Variants in NCAM1 observed in about 807,000 individuals in gnomAD.
The protein encoded by NCAM1 is antigen recognized by monoclonal antibody 5.1H11.
In NCAM1, 14 loss-of-function variants were observed where a neutral mutation model predicts 109.8. The ratio of observed to expected loss-of-function variants is 0.13; its 90% confidence interval spans 0.08 to 0.20. The LOEUF (loss-of-function observed/expected upper bound fraction) is 0.20, where lower values mean the gene tolerates loss of function less well. Ranked by LOEUF, NCAM1 falls within the 10% of genes least tolerant of loss-of-function variation. NCAM1 has a pLI of 1.00. For synonymous variants in NCAM1, 418 were observed against 442.9 expected, an observed-to-expected ratio of 0.94 and a Z score of 0.70; for missense variants, 774 against 1,109.9, an observed-to-expected ratio of 0.70 and a Z score of 4.30.
chr11:113,235,243 A>G (rs1945130661), intron 14 of NCAM1, 79 bp downstream of exon 14: 1 of 1,610,578 alleles, frequency 6.2e-7, no homozygotes, highest in Non-Finnish European at 8.5e-7. Context: ...GAGCTGGCCC[A>G]TGTCATTGTT....
rs147393547 is a variant in NCAM1 at position 113,179,024 on chromosome 11, G to C, written c.53-23355G>C. Among the ~76,000 whole-genome samples, 1,485 of 152,234 alleles carry C rather than the reference G, an allele frequency of 9.8e-3. 83 individuals are homozygous for C. Among genetic ancestry groups the C allele is most frequent in the Admixed American group, 0.092 (1,407 of 15,292 alleles). ...ACTGGTTTGTGAGAATCAACCATAC[G>C]CATCTCTTCCCAGCTCTGCATTTGG... On this transcript the variant is annotated intron_variant, in intron 1 of 19. Transcript: ENST00000316851.
chr11:113,219,452 G>A (rs1321044862), intron 8 of NCAM1, among the ~76,000 whole-genome samples: 3 of 152,218 alleles, frequency 2.0e-5, no homozygotes, highest in African/African-American at 7.2e-5. Context: ...GCAGACTTGT[G>A]TGTAAGACAA....
chr11:113,020,971 G>T (rs1321864077), intron 1 of NCAM1, among the ~76,000 whole-genome samples: 1 of 152,208 alleles, frequency 6.6e-6, no homozygotes, highest in East Asian at 1.9e-4. Flanking sequence ...TGGCCAGGCT[G>T]GTCTCCAACT....
chr11:113,187,367 T>C (rs553469807), intron 1 of NCAM1, among the ~76,000 whole-genome samples: 50 of 152,274 alleles, frequency 3.3e-4, no homozygotes, highest in Middle Eastern at 6.8e-3. Flanking sequence ...ACACAGAGGG[T>C]AAGCAGTCTT....
chr11:112,969,338 G>A (rs1386598317), intron 1 of NCAM1, among the ~76,000 whole-genome samples: 1 of 152,164 alleles, frequency 6.6e-6, no homozygotes, highest in African/African-American at 2.4e-5. Flanking sequence ...TAGGCAGGTG[G>A]AGCTGGGACT....
At chr11:113,022,628 A>G (rs1399851866) in intron 1 of NCAM1, among the ~76,000 whole-genome samples, 3 of 152,224 alleles carry the variant, frequency 2.0e-5, no homozygotes, top group Non-Finnish European at 4.4e-5. Context: ...GTTTGGCCAC[A>G]TGTAAGCAAA....
intron 1 of NCAM1, among the ~76,000 whole-genome samples, chr11:112,999,278 AC>A (rs1275638584): frequency 6.6e-6 from 1 of 152,154 alleles, no homozygotes; most frequent in Non-Finnish European, 1.5e-5. Flanking sequence ...TAAAAATAAA[AC>A]TTAAGGTCTC....
chr11:112,996,850 T>A (rs1951609488), intron 1 of NCAM1, among the ~76,000 whole-genome samples: 1 of 152,248 alleles, frequency 6.6e-6, no homozygotes, highest in Non-Finnish European at 1.5e-5. Context: ...CCGTCCCTTT[T>A]CTGGCCTGCT....
At chr11:113,227,605 C>T (rs1944889049) in intron 9 of NCAM1, among the ~76,000 whole-genome samples, 1 of 152,136 alleles carries the variant, frequency 6.6e-6, no homozygotes, top group Non-Finnish European at 1.5e-5. Context: ...ATCCTGATAC[C>T]AAAGCCTGGC....
intron 1 of NCAM1, among the ~76,000 whole-genome samples, chr11:113,152,877 G>T (rs1942272426): frequency 6.6e-6 from 1 of 152,034 alleles, no homozygotes; most frequent in Non-Finnish European, 1.5e-5. Flanking sequence ...GGGATAGCAA[G>T]CCATTGCAAA....
At chr11:113,240,651 G>C in intron 14 of NCAM1, 1 of 805,736 alleles carries the variant, frequency 1.2e-6, no homozygotes, top group Non-Finnish European at 2.2e-6. Context: ...TTCACACACG[G>C]TGTTGTTCTT....
chr11:113,252,791 A>ATGC (rs1285759352), intron 15 of NCAM1, among the ~76,000 whole-genome samples: 2 of 112,698 alleles, frequency 1.8e-5, no homozygotes, highest in African/African-American at 6.5e-5. Context: ...ACATGCCACT[A>ATGC]TGCCCAGCTT....
chr11:113,162,494 A>AACTACTG (rs782770478), intron 1 of NCAM1, among the ~76,000 whole-genome samples: 3 of 152,140 alleles, frequency 2.0e-5, no homozygotes, highest in African/African-American at 4.8e-5. Context: ...CTGGCCTAAT[A>AACTACTG]ACTACTGGAG....
chr11:113,156,490 G>A (rs1942412481), intron 1 of NCAM1, among the ~76,000 whole-genome samples: 1 of 152,162 alleles, frequency 6.6e-6, no homozygotes, highest in South Asian at 2.1e-4. Flanking sequence ...AGTAGGAAGA[G>A]ATGATAGGAG....
intron 1 of NCAM1, among the ~76,000 whole-genome samples, chr11:113,018,562 C>T (rs1952280793): frequency 6.6e-6 from 1 of 152,128 alleles, no homozygotes; most frequent in Admixed American, 6.5e-5. Flanking sequence ...AAAATTACCC[C>T]ATAGTTCACC....
intron 17 of NCAM1, among the ~76,000 whole-genome samples, chr11:113,266,845 C>A (rs1362875902): frequency 1.3e-5 from 2 of 152,178 alleles, no homozygotes; most frequent in Non-Finnish European, 1.5e-5. Context: ...CATTAGGGAA[C>A]CTGTACCGTG....
At chr11:112,987,878 C>G (rs576522221) in intron 1 of NCAM1, among the ~76,000 whole-genome samples, 14 of 152,222 alleles carry the variant, frequency 9.2e-5, no homozygotes, top group African/African-American at 3.1e-4. Context: ...TTTGGAGACT[C>G]TAATGTATTT....
chr11:113,009,010 T>C (rs1951962555), intron 1 of NCAM1, among the ~76,000 whole-genome samples: 1 of 152,298 alleles, frequency 6.6e-6, no homozygotes, highest in East Asian at 1.9e-4. Context: ...CTCAGGGGTG[T>C]CACAGCGGGA....
intron 1 of NCAM1, among the ~76,000 whole-genome samples, chr11:113,148,459 A>AT (rs1942102373): frequency 1.4e-5 from 2 of 141,446 alleles, no homozygotes; most frequent in South Asian, 4.5e-4. Flanking sequence ...ATTTCTGTAT[A>AT]TTTTTTGGGT....
Sources: allele counts gnomAD v4.1 joint callset (sites outside exome capture counted in the v4.1 genomes callset), GRCh38; gene constraint gnomAD v4.1.1; transcripts MANE v1.5; gene names NCBI Gene and HGNC (gene_info 2026-07-23, HGNC 2026-07-21).